PTPRG: variants seen among roughly 807,000 people sequenced by gnomAD.
The protein encoded by PTPRG is protein tyrosine phosphatase receptor type G.
A neutral mutation model predicts 165.3 loss-of-function variants in PTPRG; 102 were observed. That is an observed-to-expected ratio of 0.62 (90% confidence interval 0.53 to 0.73). The LOEUF (loss-of-function observed/expected upper bound fraction) is 0.73, where lower values mean the gene tolerates loss of function less well. Ranked by LOEUF, PTPRG falls within the 30% of genes least tolerant of loss-of-function variation. The pLI is 0.00. For missense variants in PTPRG, 1,866 were observed against 1,861.4 expected, an observed-to-expected ratio of 1.00 and a Z score of -0.05; for synonymous variants, 675 against 669.5, an observed-to-expected ratio of 1.01 and a Z score of -0.13.
intron 5 of PTPRG, among the ~76,000 whole-genome samples, chr3:62,111,712 G>A (rs1372138014): frequency 6.6e-6 from 1 of 152,156 alleles, no homozygotes; most frequent in Non-Finnish European, 1.5e-5. Flanking sequence ...GCCTCCCAAA[G>A]TGCTGGGATT....
intron 2 of PTPRG, among the ~76,000 whole-genome samples, chr3:61,814,404 G>T (rs552080995): frequency 1.3e-5 from 2 of 152,168 alleles, no homozygotes; most frequent in Non-Finnish European, 2.9e-5. Context: ...GACTTTGCTA[G>T]TTTTTTATCA....
chr3:62,033,392 C>G (rs1431987611), intron 4 of PTPRG, among the ~76,000 whole-genome samples: 1 of 140,528 alleles, frequency 7.1e-6, no homozygotes, highest in Non-Finnish European at 1.5e-5. Flanking sequence ...GAGACAGGGT[C>G]TCACTCTGTT....
At chr3:61,835,867 C>A (rs958579548) in intron 2 of PTPRG, among the ~76,000 whole-genome samples, 1 of 151,538 alleles carries the variant, frequency 6.6e-6, no homozygotes, top group Admixed American at 6.6e-5. Flanking sequence ...ATGGTGAAAC[C>A]CCATCTCTGT....
intron 1 of PTPRG, among the ~76,000 whole-genome samples, chr3:61,640,275 A>AACAGACAAC (rs1335966538): frequency 6.6e-6 from 1 of 152,212 alleles, no homozygotes; most frequent in Non-Finnish European, 1.5e-5. Context: ...ATGGGCAAAG[A>AACAGACAAC]ACAGACAACA....
intron 2 of PTPRG, among the ~76,000 whole-genome samples, chr3:61,773,752 A>G (rs1190018501): frequency 6.6e-6 from 1 of 151,666 alleles, no homozygotes; most frequent in African/African-American, 2.4e-5. Context: ...ATGTAAATAA[A>G]AAAGTTAAAA....
chr3:62,077,290 AAC>A (rs1491070351), intron 4 of PTPRG, among the ~76,000 whole-genome samples: 40 of 151,712 alleles, frequency 2.6e-4, no homozygotes, highest in African/African-American at 9.3e-4. Context: ...AAAAAAAAAA[AAC>A]AAACCATAAT....
chr3:61,773,426 AGTG>A (rs1409808673), intron 2 of PTPRG, among the ~76,000 whole-genome samples: 2 of 152,216 alleles, frequency 1.3e-5, no homozygotes, highest in Non-Finnish European at 2.9e-5. Context: ...GATAGAAAGA[AGTG>A]GTGAAAACTT....
chr3:61,585,956 C>T (rs1411285671), intron 1 of PTPRG, among the ~76,000 whole-genome samples: 2 of 152,102 alleles, frequency 1.3e-5, no homozygotes, highest in East Asian at 3.8e-4. Flanking sequence ...CTTGGGGAAC[C>T]GTCTAGTTGG....
chr3:61,732,773 T>G (rs1262064139), intron 1 of PTPRG, among the ~76,000 whole-genome samples: 3 of 151,996 alleles, frequency 2.0e-5, no homozygotes, highest in African/African-American at 7.3e-5. Context: ...TTGCATTAGC[T>G]AGGGGCGACA....
At chr3:62,068,922 A>C (rs1396274) in intron 4 of PTPRG, among the ~76,000 whole-genome samples, 26,188 of 152,200 alleles carry the variant, frequency 0.17, 3,091 homozygotes, top group African/African-American at 0.33. Context: ...GCATAAAGGA[A>C]GTGTTTGAGA....
At chr3:61,729,858 A>G (rs2032421433) in intron 1 of PTPRG, among the ~76,000 whole-genome samples, 2 of 152,294 alleles carry the variant, frequency 1.3e-5, no homozygotes, top group African/African-American at 4.8e-5. Flanking sequence ...TCTATAGTGA[A>G]TATTTATTGC....
intron 6 of PTPRG, among the ~76,000 whole-genome samples, chr3:62,133,730 A>G (rs961986810): frequency 6.6e-6 from 1 of 152,190 alleles, no homozygotes; most frequent in Admixed American, 6.5e-5. Flanking sequence ...TATGCCTGTA[A>G]TCCCAGCACT....
intron 3 of PTPRG, among the ~76,000 whole-genome samples, chr3:61,998,626 T>C (rs910198437): frequency 2.0e-5 from 3 of 152,200 alleles, no homozygotes; most frequent in Non-Finnish European, 4.4e-5. Context: ...AATTTACTTC[T>C]TGTATCAAGA....
chr3:62,268,748 T>A (rs1701965371), intron 19 of PTPRG, among the ~76,000 whole-genome samples: 1 of 152,188 alleles, frequency 6.6e-6, no homozygotes, highest in African/African-American at 2.4e-5. Flanking sequence ...TCTTTCTTAG[T>A]CCCTTTTAAA....
At chr3:61,675,802 A>AT (rs1159303224) in intron 1 of PTPRG, among the ~76,000 whole-genome samples, 1 of 152,192 alleles carries the variant, frequency 6.6e-6, no homozygotes, top group Non-Finnish European at 1.5e-5. Flanking sequence ...TTTTGCATAC[A>AT]TTTTGAATTA....
At chr3:62,046,340 T>C (rs1700291663) in intron 4 of PTPRG, among the ~76,000 whole-genome samples, 1 of 152,224 alleles carries the variant, frequency 6.6e-6, no homozygotes, top group Non-Finnish European at 1.5e-5. Context: ...CTCCAGGATT[T>C]CTTCTGTTTT....
chr3:62,095,770 A>G (rs939229770), intron 5 of PTPRG, among the ~76,000 whole-genome samples: 5 of 152,190 alleles, frequency 3.3e-5, no homozygotes, highest in African/African-American at 9.7e-5. Flanking sequence ...GAGTCAAGAA[A>G]GGCTCTCTGG....
chr3:61,947,537 G>A (rs762808716), intron 2 of PTPRG, among the ~76,000 whole-genome samples: 23 of 152,152 alleles, frequency 1.5e-4, no homozygotes, highest in Non-Finnish European at 4.4e-5. Flanking sequence ...GTATCCGTTA[G>A]GATTTATTCA....
intron 1 of PTPRG, among the ~76,000 whole-genome samples, chr3:61,593,211 T>C (rs1255057632): frequency 6.6e-6 from 1 of 152,150 alleles, no homozygotes; most frequent in Non-Finnish European, 1.5e-5. Flanking sequence ...CCATCTCTTC[T>C]TCATGGCATA....
Sources: gnomAD v4.1 joint callset for allele counts (sites outside exome capture counted in the v4.1 genomes callset) on GRCh38, gnomAD v4.1.1 for gene constraint, MANE v1.5 for transcripts, NCBI Gene and HGNC (gene_info 2026-07-23, HGNC 2026-07-21) for gene names.